The following ITGA8 variants were observed in gnomAD, a reference collection of about 807,000 sequenced individuals.
ITGA8 encodes the protein integrin subunit alpha 8, also known as integrin alpha-8.
Under a neutral mutation model 142.3 loss-of-function variants are expected in ITGA8, and 91 were observed. That is an observed-to-expected ratio of 0.64 (90% CI 0.54 to 0.76). The LOEUF is 0.76. Among genes scored for constraint, ITGA8 ranks in the 30% least tolerant of loss-of-function variants. ITGA8 has a pLI of 0.00. For missense variants in ITGA8, 1,406 were observed against 1,327.7 expected, an observed-to-expected ratio of 1.06 and a Z score of -0.92; for synonymous variants, 505 against 485.2, an observed-to-expected ratio of 1.04 and a Z score of -0.54.
At chr10:15,564,205 T>C (rs1834034038) in intron 25 of ITGA8, among the ~76,000 whole-genome samples, 1 of 152,180 alleles carries the variant, frequency 6.6e-6, no homozygotes, top group African/African-American at 2.4e-5. Context: ...GATCTCCAAA[T>C]AGCTTGCAAA....
In ITGA8 at chr10:15,607,745, G is replaced by T. The variant is rs375776603; in HGVS notation, c.1696C>A (p.Arg566Ser). Residue 566 changes from arginine (R) to serine (S), a missense_variant, in exon 17 of 30, where the codon CGC (arginine) becomes AGC (serine). Coordinates refer to ENST00000378076, the MANE Select transcript of ITGA8 (RefSeq NM_003638.3). Reference sequence around the variant, plus strand: ...CTTTTTATCACAAGAGGGAAGACGCGATGAGCCTGATGGTTATCAAGGAAG... The same window carrying T: ...CTTTTTATCACAAGAGGGAAGACGCTATGAGCCTGATGGTTATCAAGGAAG... ...TLFLDNHQAHRVFPLVIKRQK... is the reference protein window; with the variant it reads ...TLFLDNHQAHSVFPLVIKRQK... 1.9e-6 allele frequency: 3 copies of T among 1,613,524 alleles called. No individual in the cohort carries two copies. The highest frequency in any genetic ancestry group is 2.5e-6 in the Non-Finnish European group (3 of 1,179,466).
At chr10:15,527,387 A>G (rs1254800062) in intron 28 of ITGA8, among the ~76,000 whole-genome samples, 1 of 152,216 alleles carries the variant, frequency 6.6e-6, no homozygotes, top group African/African-American at 2.4e-5. Context: ...GGAATTACAC[A>G]AGACACTCCC....
At chr10:15,521,451 C>T (rs4750665) in intron 28 of ITGA8, among the ~76,000 whole-genome samples, 78,263 of 151,946 alleles carry the variant, frequency 0.52, 24,166 homozygotes, top group Middle Eastern at 0.7. Flanking sequence ...TCAATTCATT[C>T]GATTCTCCAG....
intron 27 of ITGA8, among the ~76,000 whole-genome samples, chr10:15,537,937 G>A (rs1389758852): frequency 6.6e-6 from 1 of 151,286 alleles, no homozygotes; most frequent in Non-Finnish European, 1.5e-5. Flanking sequence ...GGGTAGCACA[G>A]TGAGACTTCA....
intron 25 of ITGA8, among the ~76,000 whole-genome samples, chr10:15,566,490 T>A (rs189202846): frequency 6.6e-6 from 1 of 152,248 alleles, no homozygotes; most frequent in African/African-American, 2.4e-5. Flanking sequence ...CACACTTAGC[T>A]GTCTATTACA....
At chr10:15,582,636 TC>T (rs1834430087) in intron 23 of ITGA8, among the ~76,000 whole-genome samples, 1 of 152,242 alleles carries the variant, frequency 6.6e-6, no homozygotes, top group South Asian at 2.1e-4. Flanking sequence ...AAGGGATACT[TC>T]ACCAAAAATG....
At chr10:15,548,946 C>A (rs1302768874) in intron 26 of ITGA8, among the ~76,000 whole-genome samples, 2 of 152,170 alleles carry the variant, frequency 1.3e-5, no homozygotes, top group African/African-American at 4.8e-5. Flanking sequence ...CCTATATTAT[C>A]TCAAAGATCT....
rs182127692 is a variant in ITGA8 at position 15,558,934 on chromosome 10, C to G, written c.2638-732G>C. Among the ~76,000 whole-genome samples the G allele has an allele frequency of 1.6e-4, 24 of 152,236 alleles. No individual in the cohort carries two copies. The East Asian group carries it at 3.5e-3, about 22-fold the overall frequency. ...TCGCATTAACATTCTTTATTTTAGA[C>G]CCACTGAATACAAAGACCTAATTTT... On this transcript the variant is annotated intron_variant, in intron 25 of 29. Transcript: ENST00000378076.
At chr10:15,636,935 A>G (rs1226071619) in intron 13 of ITGA8, among the ~76,000 whole-genome samples, 1 of 152,208 alleles carries the variant, frequency 6.6e-6, no homozygotes, top group Admixed American at 6.5e-5. Flanking sequence ...ACTTGAGGTC[A>G]GCAGTTCGAG....
chr10:15,694,691 A>G (rs1185299193), intron 2 of ITGA8, among the ~76,000 whole-genome samples: 1 of 134,914 alleles, frequency 7.4e-6, no homozygotes, highest in African/African-American at 2.7e-5. Context: ...ATATATATAT[A>G]TATATATATA....
chr10:15,584,016 G>C (rs1429653156), intron 23 of ITGA8, among the ~76,000 whole-genome samples: 2 of 152,302 alleles, frequency 1.3e-5, no homozygotes, highest in South Asian at 2.1e-4. Flanking sequence ...TGTAAAAAAG[G>C]CTGGGTGTGA....
chr10:15,519,639 G>A (rs1185712440), intron 28 of ITGA8, among the ~76,000 whole-genome samples: 1 of 152,080 alleles, frequency 6.6e-6, no homozygotes, highest in East Asian at 1.9e-4. Flanking sequence ...TTGGTGGGTG[G>A]GTGGCTTTGC....
chr10:15,717,871 C>A (rs1461178221), intron 2 of ITGA8, among the ~76,000 whole-genome samples: 1 of 152,158 alleles, frequency 6.6e-6, no homozygotes, highest in Admixed American at 6.5e-5. Flanking sequence ...ACGCACTAAT[C>A]AAACAATTAA....
intron 27 of ITGA8, among the ~76,000 whole-genome samples, chr10:15,539,894 A>C (rs1216400097): frequency 6.6e-6 from 1 of 152,134 alleles, no homozygotes; most frequent in Non-Finnish European, 1.5e-5. Flanking sequence ...AGATAATTGA[A>C]TCACAGGGTG....
At chr10:15,679,057 C>G (rs1020423110) in intron 4 of ITGA8, among the ~76,000 whole-genome samples, 1 of 152,150 alleles carries the variant, frequency 6.6e-6, no homozygotes, top group Admixed American at 6.5e-5. Context: ...GACTCACTTT[C>G]ATTTGAAGAA....
chr10:15,719,527 G>T lies in ITGA8; in HGVS notation c.209+36C>A, dbSNP rs1337864802. On this transcript the variant is annotated intron_variant, in intron 1 of 29. Coordinates refer to ENST00000378076, the MANE Select transcript of ITGA8 (RefSeq NM_003638.3). ...TGGGACCTGACCCGGGAGCGCCTTC[G>T]TCCCCGCGCGCACCTCCCCGGGTCG... 4 of 1,501,604 alleles carry T rather than the reference G, an allele frequency of 2.7e-6. No homozygotes were observed. The African/African-American group carries it at 5.8e-5, about 22-fold the overall frequency. The allele number at this position is 1,501,604 out of a possible 1,614,324, so 93.0% of individuals were successfully genotyped here. A position where few individuals can be genotyped will look rare whatever the true frequency, so the allele number is the denominator to read the frequency against.
At chr10:15,636,254 A>C (rs1833770804) in intron 13 of ITGA8, among the ~76,000 whole-genome samples, 2 of 152,216 alleles carry the variant, frequency 1.3e-5, no homozygotes, top group South Asian at 4.1e-4. Context: ...CCTGACTATC[A>C]CGGCTGTTTC....
At chr10:15,707,413 G>A (rs1242937307) in intron 2 of ITGA8, among the ~76,000 whole-genome samples, 1 of 152,140 alleles carries the variant, frequency 6.6e-6, no homozygotes, top group Non-Finnish European at 1.5e-5. Flanking sequence ...TGTAGGAGCT[G>A]GAAAAGGCAA....
intron 13 of ITGA8, among the ~76,000 whole-genome samples, chr10:15,640,800 G>C (rs1833857133): frequency 6.6e-6 from 1 of 152,188 alleles, no homozygotes; most frequent in Admixed American, 6.5e-5. Flanking sequence ...AAAGGGGACT[G>C]AAAGAGGCTA....
Sources: allele counts gnomAD v4.1 joint callset (sites outside exome capture counted in the v4.1 genomes callset), GRCh38; gene constraint gnomAD v4.1.1; transcripts MANE v1.5; gene names NCBI Gene and HGNC (gene_info 2026-07-23, HGNC 2026-07-21).